Variants in SLC24A2 observed in about 807,000 individuals in gnomAD.
The protein encoded by SLC24A2 is solute carrier family 24 member 2, also known as sodium/potassium/calcium exchanger 2.
SLC24A2 carries 36 observed loss-of-function variants against 62.0 expected under a neutral mutation model. That is an observed-to-expected ratio of 0.58 (90% confidence interval 0.44 to 0.77). SLC24A2 has a LOEUF of 0.77. Among genes scored for constraint, SLC24A2 ranks in the 30% least tolerant of loss-of-function variants. The pLI, the probability that SLC24A2 is intolerant of heterozygous loss-of-function variation, is 0.00. For synonymous variants in SLC24A2, 358 were observed against 294.0 expected, an observed-to-expected ratio of 1.22 and a Z score of -2.23; for missense variants, 846 against 817.9, an observed-to-expected ratio of 1.03 and a Z score of -0.42.
chr9:20,216,881 G>C, the SLC24A2 span, among the ~76,000 whole-genome samples: 6 of 152,132 alleles, frequency 3.9e-5, no homozygotes, highest in African/African-American at 1.2e-4. Flanking sequence ...TCCCAAGGCA[G>C]AGAGAGAAAA....
At chr9:19,953,922 G>A in the SLC24A2 span, among the ~76,000 whole-genome samples, 1 of 151,502 alleles carries the variant, frequency 6.6e-6, no homozygotes, top group Non-Finnish European at 1.5e-5. Context: ...TCCTGAGCTA[G>A]TAGTTTTCAC....
chr9:20,305,291 A>G, the SLC24A2 span, among the ~76,000 whole-genome samples: 1 of 152,116 alleles, frequency 6.6e-6, no homozygotes, highest in African/African-American at 2.4e-5. Flanking sequence ...TATTTTTAGT[A>G]GAGATGAGGT....
chr9:20,172,409 A>C, the SLC24A2 span, among the ~76,000 whole-genome samples: 2 of 152,064 alleles, frequency 1.3e-5, no homozygotes, highest in African/African-American at 4.8e-5. Context: ...ATAAAACAAA[A>C]AGCTAGTTCT....
At chr9:19,887,627 A>G in the SLC24A2 span, among the ~76,000 whole-genome samples, 2 of 152,216 alleles carry the variant, frequency 1.3e-5, no homozygotes, top group African/African-American at 4.8e-5. Context: ...TGCAACCACT[A>G]TGGAAAACAG....
At chr9:19,850,971 ATATATATATATATG>A in the SLC24A2 span, among the ~76,000 whole-genome samples, 346 of 46,954 alleles carry the variant, frequency 7.4e-3, 13 homozygotes, top group African/African-American at 0.025. Flanking sequence ...ATATATGTAT[ATATATATATATATG>A]TATATATATA....
chr9:19,856,842 G>C, the SLC24A2 span, among the ~76,000 whole-genome samples: 1 of 152,148 alleles, frequency 6.6e-6, no homozygotes. Context: ...GCACTGCACT[G>C]GGGAGAAATC....
chr9:20,158,013 T>G, the SLC24A2 span, among the ~76,000 whole-genome samples: 1 of 151,574 alleles, frequency 6.6e-6, no homozygotes, highest in African/African-American at 2.4e-5. Context: ...CAATAAACCA[T>G]ACAGCAGAAG....
At chr9:19,569,116 C>T (rs1441699571) in intron 7 of SLC24A2, among the ~76,000 whole-genome samples, 1 of 152,094 alleles carries the variant, frequency 6.6e-6, no homozygotes. Flanking sequence ...TAAGGATGGG[C>T]AAACGTTTTC....
chr9:19,594,763 G>A (rs544404716), intron 5 of SLC24A2, among the ~76,000 whole-genome samples: 1 of 152,306 alleles, frequency 6.6e-6, no homozygotes, highest in African/African-American at 2.4e-5. Context: ...ACATGAAAGT[G>A]ACATAAATCA....
chr9:19,546,868 C>T (rs1030641229), intron 8 of SLC24A2, among the ~76,000 whole-genome samples: 7 of 152,176 alleles, frequency 4.6e-5, no homozygotes, highest in Admixed American at 3.9e-4. Flanking sequence ...GTGGGAAAAG[C>T]ACAGTGTCTG....
chr9:19,717,475 G>T (rs1224071728), intron 2 of SLC24A2, among the ~76,000 whole-genome samples: 1 of 152,016 alleles, frequency 6.6e-6, no homozygotes, highest in Non-Finnish European at 1.5e-5. Context: ...TAAATAATCA[G>T]GATAAAATGC....
chr9:19,527,717 G>C (rs538197667), intron 9 of SLC24A2, among the ~76,000 whole-genome samples: 2 of 152,324 alleles, frequency 1.3e-5, no homozygotes, highest in East Asian at 3.9e-4. Context: ...GGCTGCTCAA[G>C]ATAAAGTCAG....
the SLC24A2 span, among the ~76,000 whole-genome samples, chr9:20,049,560 C>T: frequency 2.0e-5 from 3 of 151,266 alleles, no homozygotes; most frequent in Non-Finnish European, 4.4e-5. Flanking sequence ...CACATTGTTT[C>T]AGTCATGGTC....
chr9:20,216,451 A>G, the SLC24A2 span, among the ~76,000 whole-genome samples: 1 of 152,188 alleles, frequency 6.6e-6, no homozygotes, highest in Admixed American at 6.5e-5. Context: ...CAAATCTAGG[A>G]CCCCATTAGG....
intron 7 of SLC24A2, among the ~76,000 whole-genome samples, chr9:19,570,763 A>G (rs1489118478): frequency 1.3e-5 from 2 of 152,228 alleles, no homozygotes. Flanking sequence ...CAACTAAATT[A>G]AAGCTCAGGG....
chr9:20,085,676 AT>A, the SLC24A2 span, among the ~76,000 whole-genome samples: 1 of 152,200 alleles, frequency 6.6e-6, no homozygotes, highest in African/African-American at 2.4e-5. Context: ...GTATTAATAT[AT>A]GTTTCCAATT....
rs1174340130 is a variant in SLC24A2 at position 19,644,118 on chromosome 9, C to T, written c.931-21819G>A. ...TAGCTTAGTGAGTAATAGCATCTCC[C>T]ATTGAAAGGAAAAGATTTACATGTT... On this transcript the variant is annotated intron_variant, in intron 2 of 10. Coordinates refer to ENST00000341998, the MANE Select transcript of SLC24A2 (RefSeq NM_020344.4). Among the ~76,000 whole-genome samples the T allele has an allele frequency of 8.5e-5, 13 of 152,286 alleles. 1 individual carries two copies. The East Asian group carries it at 2.5e-3, about 29-fold the overall frequency.
At chr9:19,862,025 GTT>G in the SLC24A2 span, among the ~76,000 whole-genome samples, 2 of 152,146 alleles carry the variant, frequency 1.3e-5, no homozygotes, top group Non-Finnish European at 2.9e-5. Context: ...AGGGTAGAAA[GTT>G]TATTCAAAGG....
At chr9:19,693,900 C>T (rs975451042) in intron 2 of SLC24A2, among the ~76,000 whole-genome samples, 12 of 151,682 alleles carry the variant, frequency 7.9e-5, no homozygotes, top group Non-Finnish European at 1.6e-4. Flanking sequence ...TTGGTTATTT[C>T]CCACAAGCAA....
Sources: gnomAD v4.1 joint callset for allele counts (sites outside exome capture counted in the v4.1 genomes callset) on GRCh38, gnomAD v4.1.1 for gene constraint, MANE v1.5 for transcripts, NCBI Gene and HGNC (gene_info 2026-07-23, HGNC 2026-07-21) for gene names.